The following SLC23A2 variants were observed in gnomAD, a reference collection of about 807,000 sequenced individuals.
SLC23A2 encodes the protein solute carrier family 23 member 2, also known as Na(+)/L-ascorbic acid transporter 2.
SLC23A2 carries 36 observed loss-of-function variants against 73.3 expected under a neutral mutation model. The ratio of observed to expected loss-of-function variants is 0.49; its 90% CI spans 0.38 to 0.65. The LOEUF is 0.65. Among genes scored for constraint, SLC23A2 ranks in the 30% least tolerant of loss-of-function variants. SLC23A2 has a pLI of 0.00. For synonymous variants in SLC23A2, 343 were observed against 327.3 expected (o/e 1.05, Z -0.52); for missense variants, 507 against 841.6 (o/e 0.60, Z 4.92).
At chr20:4,936,322 C>T (rs966032446) in intron 2 of SLC23A2, among the ~76,000 whole-genome samples, 2 of 152,176 alleles carry the variant, frequency 1.3e-5, no homozygotes, top group Non-Finnish European at 2.9e-5. Context: ...TAGTGAAATA[C>T]TGGTAGATTT....
Position 4,968,863 on chromosome 20 carries a change from T to G in SLC23A2, c.-155+1930A>C, listed in dbSNP as rs552383704. Among the ~76,000 whole-genome samples the G allele has an allele frequency of 7.3e-5, 11 of 151,462 alleles. No individual in the cohort carries two copies. The South Asian group carries it at 1.3e-3, about 17-fold the overall frequency. On this transcript the variant is annotated intron_variant, in intron 2 of 16. Coordinates refer to ENST00000338244, the MANE Select transcript of SLC23A2 (RefSeq NM_005116.6). ...CCTCCAGAGTAGCTAGCAATACAGGTGTGCGCCACCATGCCTGGCTAATTT... is the reference window on the plus strand; with the variant it reads ...CCTCCAGAGTAGCTAGCAATACAGGGGTGCGCCACCATGCCTGGCTAATTT...
chr20:4,869,922 T>TG lies in SLC23A2; in HGVS notation c.1233dup (p.Ile412HisfsTer18), dbSNP rs751050083. 3.6e-4 allele frequency: 373 copies of TG among 1,045,610 alleles called. No individual in the cohort carries two copies. The highest frequency in any genetic ancestry group is 6.1e-4 in the Admixed American group (24 of 39,570). 64.8% of individuals were successfully genotyped at this position (1,045,610 alleles called of 1,614,324 possible). On this transcript the variant is annotated frameshift_variant, in exon 12 of 17. Transcript: ENST00000338244. LOFTEE classifies it high-confidence loss of function. ...GGAACGTACCTGTTTATTGCGTGGA[T>TG]GGGGGGGGGTGGGGCACAGGACAGC...
chr20:4,859,710 T>A (rs1409025829), intron 15 of SLC23A2, among the ~76,000 whole-genome samples: 5 of 150,502 alleles, frequency 3.3e-5, no homozygotes, highest in African/African-American at 1.2e-4. Flanking sequence ...AAATTCTAAA[T>A]AAAAAAAAAT....
intron 6 of SLC23A2, among the ~76,000 whole-genome samples, chr20:4,890,636 G>C (rs948280330): frequency 1.3e-5 from 2 of 152,042 alleles, no homozygotes; most frequent in East Asian, 3.9e-4. Flanking sequence ...CTGGGCAACA[G>C]AGCGAGACTC....
chr20:4,951,649 G>A (rs2087204694), intron 2 of SLC23A2, among the ~76,000 whole-genome samples: 1 of 152,122 alleles, frequency 6.6e-6, no homozygotes, highest in Admixed American at 6.6e-5. Flanking sequence ...ACTATTCATG[G>A]GTTTTAGGAT....
At chr20:4,957,582 C>CA (rs750802378) in intron 2 of SLC23A2, among the ~76,000 whole-genome samples, 2,402 of 100,122 alleles carry the variant, frequency 0.024, 56 homozygotes, top group African/African-American at 0.067. Context: ...ACTATAACCT[C>CA]AAAAAAAAAA....
At chr20:4,979,175 C>T (rs904958096) in intron 1 of SLC23A2, among the ~76,000 whole-genome samples, 1 of 151,910 alleles carries the variant, frequency 6.6e-6, no homozygotes, top group Non-Finnish European at 1.5e-5. Flanking sequence ...TGCCTGTAAT[C>T]CCGGCTACTC....
chr20:4,936,890 G>T (rs1171959312), intron 2 of SLC23A2, among the ~76,000 whole-genome samples: 1 of 152,186 alleles, frequency 6.6e-6, no homozygotes, highest in Non-Finnish European at 1.5e-5. Flanking sequence ...AAGAGCACAG[G>T]AGAGGATGAG....
intron 3 of SLC23A2, among the ~76,000 whole-genome samples, chr20:4,919,381 A>C (rs943900914): frequency 1.3e-5 from 2 of 152,158 alleles, no homozygotes; most frequent in African/African-American, 4.8e-5. Flanking sequence ...TGCCTTCTCC[A>C]GAAGGCTAAG....
chr20:4,993,933 TACA>T (rs2122340765), intron 1 of SLC23A2, among the ~76,000 whole-genome samples: 1 of 152,084 alleles, frequency 6.6e-6, no homozygotes, highest in African/African-American at 2.4e-5. Context: ...CTACAAAAAA[TACA>T]ACAATTAGTT....
rs371750591 is a variant in SLC23A2 at position 4,985,446 on chromosome 20, C to A, written c.-281-14527G>T. Among the ~76,000 whole-genome samples the A allele has an allele frequency of 8.8e-3, 1,311 of 149,514 alleles. 47 individuals are homozygous for A. The South Asian group carries it at 0.14, about 16-fold the overall frequency. ...AAGTGAAAAAGCCTATCACAAAAAA[C>A]CACATTTTTTTTTTTTTTTGAGACA... On this transcript the variant is annotated intron_variant, in intron 1 of 16. Coordinates refer to ENST00000338244, the MANE Select transcript of SLC23A2 (RefSeq NM_005116.6).
chr20:4,860,189 G>A (rs1469228028), intron 15 of SLC23A2, among the ~76,000 whole-genome samples: 3 of 152,162 alleles, frequency 2.0e-5, no homozygotes, highest in Admixed American at 6.5e-5. Context: ...CATGAATTAC[G>A]TGTTTGTGAA....
intron 12 of SLC23A2, 125 bp from the exon 13 acceptor site, chr20:4,868,000 G>A: frequency 5.6e-6 from 2 of 356,982 alleles, no homozygotes; most frequent in East Asian, 8.9e-5. Flanking sequence ...ACATCTCCTG[G>A]GAGCTGGGAG....
chr20:5,000,492 G>A (rs1193717493), intron 1 of SLC23A2, among the ~76,000 whole-genome samples: 1 of 151,998 alleles, frequency 6.6e-6, no homozygotes. Context: ...TTGTCAGCAG[G>A]GACTGCATCT....
intron 2 of SLC23A2, among the ~76,000 whole-genome samples, chr20:4,955,807 T>TA (rs1206840871): frequency 4.4e-4 from 66 of 151,356 alleles, no homozygotes; most frequent in Middle Eastern, 3.4e-3. Context: ...TTTTTTTTTT[T>TA]AAAAAAGTAC....
At chr20:4,976,975 CA>C (rs1012269243) in intron 1 of SLC23A2, among the ~76,000 whole-genome samples, 21 of 144,772 alleles carry the variant, frequency 1.5e-4, no homozygotes, top group African/African-American at 3.3e-4. Flanking sequence ...AGCTCCATCT[CA>C]AAAAAAAAAT....
chr20:4,857,241 C>A lies in SLC23A2; in HGVS notation c.1721-37G>T. The A allele has an allele frequency of 8.8e-7, 1 of 1,139,624 alleles. No homozygotes were observed. Among genetic ancestry groups the A allele is most frequent in the Non-Finnish European group, 1.3e-6 (1 of 795,298 alleles). 70.6% of individuals were successfully genotyped at this position (1,139,624 alleles called of 1,614,324 possible). A position where few individuals can be genotyped will look rare whatever the true frequency, so the allele number is the denominator to read the frequency against. ...CCCAAGATAGAACAAAGGAATGCTT[C>A]GTTTAGCAGCTCTACTGAAAATGAA... On this transcript the variant is annotated intron_variant, in intron 16 of 16. Transcript: ENST00000338244. This position sits in a 1 kb window ranked among gnomAD's most constrained non-coding sequence, Gnocchi z 4.0.
rs574911677 is a variant in SLC23A2 at position 4,864,333 on chromosome 20, T to C, written c.1357-1426A>G. Among the ~76,000 whole-genome samples the C allele has an allele frequency of 6.6e-5, 10 of 152,284 alleles. No individual in the cohort carries two copies. The South Asian group carries it at 1.9e-3, about 28-fold the overall frequency. ...CAGCTGTGTGTGACATGTTGACCAC[T>C]GCACAGAACCCTCAAAGGACCAGGG... On this transcript the variant is annotated intron_variant, in intron 13 of 16. Coordinates refer to ENST00000338244, the MANE Select transcript of SLC23A2 (RefSeq NM_005116.6).
At chr20:4,991,720 T>TCACACACACACACACACACA in intron 1 of SLC23A2, among the ~76,000 whole-genome samples, 1 of 139,426 alleles carries the variant, frequency 7.2e-6, no homozygotes. Context: ...AGACTCCGTT[T>TCACACACACACACACACACA]CACACACACA....
Sources: allele counts gnomAD v4.1 joint callset (sites outside exome capture counted in the v4.1 genomes callset), GRCh38; gene constraint gnomAD v4.1.1; non-coding constraint Gnocchi (gnomAD v3.1); transcripts MANE v1.5; gene names NCBI Gene and HGNC (gene_info 2026-07-23, HGNC 2026-07-21).